Variants in KIF13A observed in about 807,000 individuals in gnomAD.
KIF13A encodes kinesin family member 13A, also known as kinesin-like protein KIF13A.
In KIF13A, 79 loss-of-function variants were observed where a neutral mutation model predicts 212.2. That is an observed-to-expected ratio of 0.37 (90% CI 0.31 to 0.45). The LOEUF (loss-of-function observed/expected upper bound fraction) is 0.45. KIF13A is among the 20% of genes least tolerant of loss of function. The pLI is 1.00. For missense variants in KIF13A, 1,901 were observed against 2,209.0 expected, an observed-to-expected ratio of 0.86 and a Z score of 2.79; for synonymous variants, 789 against 808.6, an observed-to-expected ratio of 0.98 and a Z score of 0.41.
At chr6:17,815,195 C>T (rs948457067) in intron 17 of KIF13A, among the ~76,000 whole-genome samples, 24 of 152,256 alleles carry the variant, frequency 1.6e-4, no homozygotes, top group Non-Finnish European at 2.8e-4. Context: ...ACTTTAAGTA[C>T]TTTCGCTAAT....
chr6:17,892,014 A>G lies in KIF13A; in HGVS notation c.159+6154T>C, dbSNP rs936471578. On this transcript the variant is annotated intron_variant, in intron 3 of 38. Coordinates refer to ENST00000259711, the MANE Select transcript of KIF13A (RefSeq NM_022113.6). This position sits in a 1 kb window ranked among gnomAD's most constrained non-coding sequence, Gnocchi z 4.7. ...TCCACTTCCTACTCTCTTCACCCCAATAATTTACCTGATCTTTGTAAGGCA... is the reference window on the plus strand; with the variant it reads ...TCCACTTCCTACTCTCTTCACCCCAGTAATTTACCTGATCTTTGTAAGGCA... Among the ~76,000 whole-genome samples, 1 of 152,128 alleles carries G rather than the reference A, an allele frequency of 6.6e-6. No homozygotes were observed. Among genetic ancestry groups the G allele is most frequent in the African/African-American group, 2.4e-5 (1 of 41,428 alleles).
rs1195607753 is a variant in KIF13A, at chr6:17,834,171, G to A, written c.1156-100C>T. ...CCTCTTAAGCAGTTATCAATAGTCT[G>A]TTGGAAAAAATTAAGTTATATGCTG... is the stretch of plus-strand genomic sequence containing the variant. On this transcript the variant is annotated intron_variant, in intron 11 of 38. Coordinates refer to ENST00000259711, the MANE Select transcript of KIF13A (RefSeq NM_022113.6). This position sits in a 1 kb window ranked among gnomAD's most constrained non-coding sequence, Gnocchi z 4.0. 1.8e-5 allele frequency: 13 copies of A among 712,900 alleles called. No homozygotes were observed. In the African/African-American group the frequency reaches 2.4e-4, roughly 13 times the overall value. 44.2% of individuals were successfully genotyped at this position (712,900 alleles called of 1,614,324 possible).
intron 9 of KIF13A, among the ~76,000 whole-genome samples, chr6:17,840,484 T>C (rs1027984235): frequency 6.6e-6 from 1 of 152,206 alleles, no homozygotes; most frequent in African/African-American, 2.4e-5. Context: ...ACATATTATT[T>C]TAATTCACAC....
chr6:17,811,847 T>TTC lies in KIF13A; in HGVS notation c.2001-2919_2001-2918dup, dbSNP rs151222298. Among the ~76,000 whole-genome samples the TTC allele has an allele frequency of 0.19, 28,625 of 151,032 alleles. 2,853 individuals are homozygous for TTC. The highest frequency in any genetic ancestry group is 0.32 in the South Asian group (1,497 of 4,750). ...TCTCCCTCCCTTTTTCTTTCTTTCC[T>TTC]TCTCTCTCTCTCTTTTTCTTGGAGA... On this transcript the variant is annotated intron_variant, in intron 17 of 38. Transcript: ENST00000259711. This position sits in a 1 kb window ranked among gnomAD's most constrained non-coding sequence, Gnocchi z 6.0.
rs1210187386 is a variant in KIF13A, at chr6:17,772,390, G to C, written c.4325-331C>G. On this transcript the variant is annotated intron_variant, in intron 36 of 38. Coordinates refer to ENST00000259711, the MANE Select transcript of KIF13A (RefSeq NM_022113.6). The surrounding 1 kb of genome is among the most constrained non-coding windows in gnomAD (Gnocchi z 4.8). The stretch of plus-strand genomic sequence containing the variant: ...TGCCACTGCACTCCAGCCCGGGCAA[G>C]AGAGAGAGAGGGAGACCCTGTCTAA... 6.6e-6 allele frequency among the ~76,000 whole-genome samples: 1 copy of C among 151,728 alleles called. No homozygotes were observed. The highest frequency in any genetic ancestry group is 1.5e-5 in the Non-Finnish European group (1 of 67,916).
At position 17,987,560 on chromosome 6, in the gene KIF13A, G is replaced by C. The variant is rs1781687902; in HGVS notation, c.-97C>G. On this transcript the variant is annotated 5_prime_UTR_variant, in exon 1 of 39. Transcript: ENST00000259711. This position sits in a 1 kb window ranked among gnomAD's most constrained non-coding sequence, Gnocchi z 7.7. ...GCCGCTGCAGCCGCGCGCCCCTCGAGCGCGGCCGCCGCCGCTCCGCCGTGA... is the reference window on the plus strand; with the variant it reads ...GCCGCTGCAGCCGCGCGCCCCTCGACCGCGGCCGCCGCCGCTCCGCCGTGA... 1.6e-6 allele frequency: 1 copy of C among 625,542 alleles called. No homozygotes were observed. Among genetic ancestry groups the C allele is most frequent in the African/African-American group, 2.0e-5 (1 of 49,692 alleles). 38.7% of individuals were successfully genotyped at this position (625,542 alleles called of 1,614,324 possible). A position where few individuals can be genotyped will look rare whatever the true frequency, so the allele number is the denominator to read the frequency against.
rs1775704936 is a variant in KIF13A at position 17,928,682 on chromosome 6, C to T, written c.147-30502G>A. 1.3e-5 allele frequency among the ~76,000 whole-genome samples: 2 copies of T among 152,078 alleles called. 1 individual carries two copies. Among genetic ancestry groups the T allele is most frequent in the South Asian group, 4.1e-4 (2 of 4,828 alleles). ...TCCAAGATAGTTTACCATTAGAACA[C>T]CACAAAGTAAGAAACTGTATTTCCC... On this transcript the variant is annotated intron_variant, in intron 2 of 38. Transcript: ENST00000259711.
chr6:17,827,784 A>G (rs1463069283), intron 14 of KIF13A, among the ~76,000 whole-genome samples: 1 of 152,066 alleles, frequency 6.6e-6, no homozygotes, highest in Admixed American at 6.6e-5. Context: ...AGCCTCCTAA[A>G]GTGCTGGGAT....
intron 12 of KIF13A, among the ~76,000 whole-genome samples, chr6:17,831,602 G>C (rs1161155419): frequency 1.3e-5 from 2 of 151,340 alleles, no homozygotes; most frequent in Non-Finnish European, 2.9e-5. Flanking sequence ...GCTGCAGAAA[G>C]AGGATATATT....
In KIF13A at chr6:17,773,435, G is replaced by T; in HGVS notation, c.4324+43C>A. On this transcript the variant is annotated intron_variant, in intron 36 of 38. Coordinates refer to ENST00000259711, the MANE Select transcript of KIF13A (RefSeq NM_022113.6). The surrounding 1 kb of genome is among the most constrained non-coding windows in gnomAD (Gnocchi z 4.2). ...AGACATTTTTTCATACTTTTTCTAAGTAATTACAAAGAAATATCACTGCAA... is the reference window on the plus strand; with the variant it reads ...AGACATTTTTTCATACTTTTTCTAATTAATTACAAAGAAATATCACTGCAA... 8.9e-7 allele frequency: 1 copy of T among 1,125,736 alleles called. No homozygotes were observed. The highest frequency in any genetic ancestry group is 1.3e-6 in the Non-Finnish European group (1 of 748,544). 69.7% of individuals were successfully genotyped at this position (1,125,736 alleles called of 1,614,324 possible). A position where few individuals can be genotyped will look rare whatever the true frequency, so the allele number is the denominator to read the frequency against.
chr6:17,986,102 G>A (rs1781530825), intron 2 of KIF13A, among the ~76,000 whole-genome samples: 1 of 152,154 alleles, frequency 6.6e-6, no homozygotes, highest in Non-Finnish European at 1.5e-5. Context: ...CTCTGAAGAA[G>A]GAAATTCACT....
chr6:17,975,171 C>G (rs116835248), intron 2 of KIF13A, among the ~76,000 whole-genome samples: 3,126 of 152,198 alleles, frequency 0.021, 36 homozygotes, highest in Non-Finnish European at 0.03. Flanking sequence ...TAGTGAAACC[C>G]TATCTCTACT....
At chr6:17,937,740 T>C (rs1410165305) in intron 2 of KIF13A, among the ~76,000 whole-genome samples, 1 of 66,356 alleles carries the variant, frequency 1.5e-5, no homozygotes, top group African/African-American at 5.9e-5. Context: ...ATTTCTTTCC[T>C]TTTTTGTTTT....
chr6:17,793,454 A>T (rs1212294710), intron 25 of KIF13A, among the ~76,000 whole-genome samples: 2 of 152,166 alleles, frequency 1.3e-5, no homozygotes, highest in Non-Finnish European at 2.9e-5. Flanking sequence ...CAATTCTTAG[A>T]TCAATTCTTA....
At chr6:17,808,016 G>A (rs993257774) in intron 18 of KIF13A, among the ~76,000 whole-genome samples, 7 of 152,190 alleles carry the variant, frequency 4.6e-5, no homozygotes, top group African/African-American at 1.2e-4. Context: ...ACTCCCAGAC[G>A]CTTGCAAAGA....
chr6:17,974,027 A>C (rs1314011042), intron 2 of KIF13A, among the ~76,000 whole-genome samples: 1 of 152,214 alleles, frequency 6.6e-6, no homozygotes, highest in Non-Finnish European at 1.5e-5. Flanking sequence ...AAATAGCAAG[A>C]TGCACTTTAA....
chr6:17,768,270 G>A lies in KIF13A; in HGVS notation c.4581+2844C>T, dbSNP rs1042109905. On this transcript the variant is annotated intron_variant, in intron 38 of 38. Coordinates refer to ENST00000259711, the MANE Select transcript of KIF13A (RefSeq NM_022113.6). The surrounding 1 kb of genome is among the most constrained non-coding windows in gnomAD (Gnocchi z 5.4). ...GATAATTAAAACCCTATCTGAAGTG[G>A]CACATGGAGTCAAGTTCTCAAGCTT... 6.6e-6 allele frequency among the ~76,000 whole-genome samples: 1 copy of A among 152,136 alleles called. No homozygotes were observed. The highest frequency in any genetic ancestry group is 2.4e-5 in the African/African-American group (1 of 41,424).
intron 2 of KIF13A, among the ~76,000 whole-genome samples, chr6:17,954,700 TCTCA>T (rs1341430362): frequency 2.6e-5 from 4 of 152,164 alleles, no homozygotes; most frequent in Non-Finnish European, 5.9e-5. Flanking sequence ...AGAGACAGGA[TCTCA>T]CTCTTCTTGA....
At chr6:17,929,851 C>T (rs1346419605) in intron 2 of KIF13A, among the ~76,000 whole-genome samples, 1 of 152,176 alleles carries the variant, frequency 6.6e-6, no homozygotes, top group African/African-American at 2.4e-5. Context: ...CTGGTTTTAC[C>T]TTTCTGACCT....
Sources: allele counts gnomAD v4.1 joint callset (sites outside exome capture counted in the v4.1 genomes callset), GRCh38; gene constraint gnomAD v4.1.1; non-coding constraint Gnocchi (gnomAD v3.1); transcripts MANE v1.5; gene names NCBI Gene and HGNC (gene_info 2026-07-23, HGNC 2026-07-21).